The following CSMD3 variants were observed in gnomAD, a reference collection of about 807,000 sequenced individuals.
The protein encoded by CSMD3 is CUB and Sushi multiple domains 3, also known as CUB and sushi domain-containing protein 3.
A neutral mutation model predicts 435.2 loss-of-function variants in CSMD3; 177 were observed. The ratio of observed to expected loss-of-function variants is 0.41; its 90% confidence interval spans 0.36 to 0.46. The LOEUF is 0.46. Among genes scored for constraint, CSMD3 ranks in the 20% least tolerant of loss-of-function variants. CSMD3 has a pLI of 0.34. For missense variants in CSMD3, 4,265 were observed against 4,504.6 expected (o/e 0.95, Z 1.52); for synonymous variants, 1,656 against 1,520.5 (o/e 1.09, Z -2.07).
intron 20 of CSMD3, 133 bp from the exon 21 acceptor site, chr8:112,639,044 T>A: frequency 1.5e-6 from 1 of 648,416 alleles, no homozygotes; most frequent in South Asian, 1.8e-5. Context: ...TGCTATAAAA[T>A]ATTCCAAATA....
intron 3 of CSMD3, among the ~76,000 whole-genome samples, chr8:113,200,255 T>G (rs777213035): frequency 6.6e-6 from 1 of 151,840 alleles, no homozygotes; most frequent in African/African-American, 2.4e-5. Context: ...CAAACTATAC[T>G]GCACATTTGC....
intron 13 of CSMD3, among the ~76,000 whole-genome samples, chr8:112,716,570 A>T (rs1320603610): frequency 1.3e-5 from 2 of 152,144 alleles, no homozygotes; most frequent in African/African-American, 2.4e-5. Context: ...TGACAAAAAG[A>T]ACCACTTTAA....
At chr8:113,219,202 T>C (rs1421744970) in intron 3 of CSMD3, among the ~76,000 whole-genome samples, 1 of 151,380 alleles carries the variant, frequency 6.6e-6, no homozygotes, top group Admixed American at 6.6e-5. Context: ...TTTTTGCCAC[T>C]ATTTAACATC....
At chr8:113,021,415 T>C (rs2086679926) in intron 5 of CSMD3, among the ~76,000 whole-genome samples, 1 of 152,226 alleles carries the variant, frequency 6.6e-6, no homozygotes, top group African/African-American at 2.4e-5. Flanking sequence ...TTTGGTTTTG[T>C]TCAATTCCCT....
intron 27 of CSMD3, among the ~76,000 whole-genome samples, chr8:112,528,111 A>C (rs547980773): frequency 9.5e-4 from 144 of 152,274 alleles, no homozygotes; most frequent in Admixed American, 1.7e-3. Context: ...CACTGTATGC[A>C]AGTTGCAAGT....
chr8:112,639,336 CTTGT>C (rs764801457), intron 20 of CSMD3, among the ~76,000 whole-genome samples: 1 of 152,046 alleles, frequency 6.6e-6, no homozygotes, highest in Non-Finnish European at 1.5e-5. Context: ...TCCAAATATG[CTTGT>C]TTATTTTAGA....
chr8:112,327,168 A>C (rs1823594315), intron 45 of CSMD3, among the ~76,000 whole-genome samples: 1 of 152,210 alleles, frequency 6.6e-6, no homozygotes, highest in Non-Finnish European at 1.5e-5. Flanking sequence ...TCTCAAAACT[A>C]TTAGCACAGT....
chr8:112,581,421 A>G (rs953229786), intron 23 of CSMD3, among the ~76,000 whole-genome samples: 1 of 152,002 alleles, frequency 6.6e-6, no homozygotes, highest in African/African-American at 2.4e-5. Flanking sequence ...CACCAAATAT[A>G]ACCCTAAATT....
At chr8:112,388,700 G>A (rs1005030641) in intron 36 of CSMD3, among the ~76,000 whole-genome samples, 1 of 152,152 alleles carries the variant, frequency 6.6e-6, no homozygotes, top group African/African-American at 2.4e-5. Flanking sequence ...AGAGGTCTGA[G>A]TTAGATATTT....
At chr8:112,682,351 T>C in intron 16 of CSMD3, 91 bp downstream of exon 16, 1 of 913,802 alleles carries the variant, frequency 1.1e-6, no homozygotes, top group East Asian at 2.4e-5. Flanking sequence ...ATAATGATTA[T>C]GACAGTCCTG....
At chr8:112,674,595 C>T (rs750422234) in intron 16 of CSMD3, among the ~76,000 whole-genome samples, 3 of 152,108 alleles carry the variant, frequency 2.0e-5, no homozygotes, top group African/African-American at 4.8e-5. Flanking sequence ...CTTTGGTATT[C>T]ATTTGATGCA....
At chr8:113,056,705 G>A (rs1414770825) in intron 5 of CSMD3, among the ~76,000 whole-genome samples, 1 of 152,066 alleles carries the variant, frequency 6.6e-6, no homozygotes, top group African/African-American at 2.4e-5. Flanking sequence ...TTTCTTTGTT[G>A]TTACTATCAT....
intron 3 of CSMD3, among the ~76,000 whole-genome samples, chr8:113,195,810 T>C (rs1288638597): frequency 2.2e-4 from 31 of 141,708 alleles, no homozygotes; most frequent in African/African-American, 7.7e-4. Context: ...TATATATATA[T>C]ATATACACAC....
At chr8:112,559,460 G>A (rs1302584355) in intron 24 of CSMD3, among the ~76,000 whole-genome samples, 1 of 151,724 alleles carries the variant, frequency 6.6e-6, no homozygotes, top group Non-Finnish European at 1.5e-5. Context: ...GAAGCCCCTG[G>A]CCACTTCTGT....
rs112301579 is a variant in CSMD3 at position 113,338,162 on chromosome 8, G to A, written c.179-23369C>T. 2.9e-3 allele frequency among the ~76,000 whole-genome samples: 438 copies of A among 151,662 alleles called. 2 individuals carry two copies. The highest frequency in any genetic ancestry group is 9.8e-3 in the African/African-American group (404 of 41,410). ...CCCTGGTAAAAATATATAAACAAAAGAGCACATGAAAAGATGCTTAAAAAT... is the reference window on the plus strand; with the variant it reads ...CCCTGGTAAAAATATATAAACAAAAAAGCACATGAAAAGATGCTTAAAAAT... On this transcript the variant is annotated intron_variant, in intron 1 of 70. Transcript: ENST00000297405.
intron 4 of CSMD3, among the ~76,000 whole-genome samples, chr8:113,132,970 T>C (rs1588131050): frequency 6.6e-6 from 1 of 152,258 alleles, no homozygotes; most frequent in East Asian, 1.9e-4. Flanking sequence ...AATTTCTAGC[T>C]TAAGTCATTA....
intron 25 of CSMD3, among the ~76,000 whole-genome samples, chr8:112,554,438 T>C (rs1275816987): frequency 6.6e-6 from 1 of 152,070 alleles, no homozygotes; most frequent in Non-Finnish European, 1.5e-5. Flanking sequence ...AAAATTCTTT[T>C]GGACAATCTG....
chr8:112,422,040 A>G (rs929554743), intron 32 of CSMD3, among the ~76,000 whole-genome samples: 2 of 152,146 alleles, frequency 1.3e-5, no homozygotes, highest in African/African-American at 4.8e-5. Flanking sequence ...ATATGAATTT[A>G]TCTTAAGCCT....
chr8:113,134,104 A>G (rs1202224105), intron 4 of CSMD3, among the ~76,000 whole-genome samples: 2 of 152,260 alleles, frequency 1.3e-5, no homozygotes, highest in African/African-American at 4.8e-5. Flanking sequence ...GAACAATATT[A>G]GCATTTACAG....
Sources: gnomAD v4.1 joint callset for allele counts (sites outside exome capture counted in the v4.1 genomes callset) on GRCh38, gnomAD v4.1.1 for gene constraint, MANE v1.5 for transcripts, NCBI Gene and HGNC (gene_info 2026-07-23, HGNC 2026-07-21) for gene names.